ELP4: variants seen among roughly 807,000 people sequenced by gnomAD.
The protein encoded by ELP4 is elongator acetyltransferase complex subunit 4.
In ELP4, 51 loss-of-function variants were observed where a neutral mutation model predicts 48.9. The observed-to-expected ratio is 1.04, with a 90% CI of 0.83 to 1.32. The LOEUF is 1.32. ELP4 is among the 40% of genes most tolerant of loss of function. The pLI is 0.00. For missense variants in ELP4, 519 were observed against 514.6 expected, an observed-to-expected ratio of 1.01 and a Z score of -0.08; for synonymous variants, 210 against 189.2, an observed-to-expected ratio of 1.11 and a Z score of -0.90.
At chr11:31,635,295 C>T (rs1406426483) in intron 7 of ELP4, among the ~76,000 whole-genome samples, 2 of 151,890 alleles carry the variant, frequency 1.3e-5, no homozygotes, top group Non-Finnish European at 2.9e-5. Context: ...TAAAAAGTTA[C>T]GTGGTGATTA....
intron 9 of ELP4, among the ~76,000 whole-genome samples, chr11:31,666,180 T>C (rs960584724): frequency 3.3e-5 from 5 of 151,592 alleles, no homozygotes; most frequent in African/African-American, 7.3e-5. Flanking sequence ...GACTAGTCTT[T>C]GTGTTTTCAG....
intron 9 of ELP4, among the ~76,000 whole-genome samples, chr11:31,752,608 A>G (rs1947745771): frequency 6.6e-6 from 1 of 151,904 alleles, no homozygotes. Context: ...GCCGAGGCGG[A>G]CGGATCACGA....
intron 3 of ELP4, among the ~76,000 whole-genome samples, chr11:31,552,685 T>C (rs1419734344): frequency 6.6e-6 from 1 of 152,186 alleles, no homozygotes; most frequent in South Asian, 2.1e-4. Flanking sequence ...TTTCTACCTT[T>C]GCTTCTCTTC....
intron 9 of ELP4, among the ~76,000 whole-genome samples, chr11:31,742,035 G>A (rs949525358): frequency 3.9e-4 from 59 of 152,102 alleles, no homozygotes; most frequent in Admixed American, 2.6e-4. Context: ...ACTAACCAAC[G>A]CAGAAAAGTC....
intron 3 of ELP4, among the ~76,000 whole-genome samples, chr11:31,578,768 C>T (rs888942529): frequency 2.0e-5 from 3 of 152,182 alleles, no homozygotes; most frequent in African/African-American, 7.2e-5. Context: ...CCCTTCCTTA[C>T]ACCTTATACA....
intron 9 of ELP4, among the ~76,000 whole-genome samples, chr11:31,671,277 G>A (rs528455915): frequency 6.6e-6 from 1 of 152,272 alleles, no homozygotes; most frequent in South Asian, 2.1e-4. Context: ...AATTGTTAAT[G>A]TGTAGAGCAC....
chr11:31,769,575 C>T lies in ELP4; in HGVS notation c.1144-13818C>T, dbSNP rs533587176. ...CGTAAGCTGTGTATCAGTCAGACCTCTGCCAATCCTTAAATTGGATAGTGG... is the reference window on the plus strand; with the variant it reads ...CGTAAGCTGTGTATCAGTCAGACCTTTGCCAATCCTTAAATTGGATAGTGG... On this transcript the variant is annotated intron_variant, in intron 9 of 9. Coordinates refer to ENST00000640961, the MANE Select transcript of ELP4 (RefSeq NM_019040.5). 1.5e-4 allele frequency among the ~76,000 whole-genome samples: 23 copies of T among 152,278 alleles called. No individual in the cohort carries two copies. In the South Asian group the frequency reaches 4.1e-3, roughly 27 times the overall value.
chr11:31,633,160 G>A (rs1397268949), intron 7 of ELP4: 3 of 152,160 alleles, frequency 2.0e-5, no homozygotes, highest in South Asian at 4.2e-4. Context: ...TCTTTATAAA[G>A]TTATGTAATC....
chr11:31,581,206 C>A (rs573139033), intron 3 of ELP4, among the ~76,000 whole-genome samples: 2 of 152,298 alleles, frequency 1.3e-5, no homozygotes, highest in South Asian at 4.1e-4. Context: ...GTCTACACAG[C>A]TGTTATTCTG....
chr11:31,527,298 T>C (rs1956310637), intron 2 of ELP4, among the ~76,000 whole-genome samples: 1 of 152,068 alleles, frequency 6.6e-6, no homozygotes, highest in Non-Finnish European at 1.5e-5. Context: ...CTGCCATAAC[T>C]AGAATGAACA....
chr11:31,788,040 T>A lies in ELP4; in HGVS notation c.*4516T>A, dbSNP rs1017167382. ...TTTGCAGAGGAAGACTTATCTGTATTGACTTATATGTTGCACAGAACAAAT... is the reference window on the plus strand; with the variant it reads ...TTTGCAGAGGAAGACTTATCTGTATAGACTTATATGTTGCACAGAACAAAT... On this transcript the variant is annotated 3_prime_UTR_variant, in exon 10 of 10. Coordinates refer to ENST00000640961, the MANE Select transcript of ELP4 (RefSeq NM_019040.5). The A allele has an allele frequency of 4.5e-6, 1 of 222,908 alleles. No homozygotes were observed. The highest frequency in any genetic ancestry group is 9.0e-6 in the Non-Finnish European group (1 of 111,472). 13.8% of individuals were successfully genotyped at this position (222,908 alleles called of 1,614,324 possible). A position where few individuals can be genotyped will look rare whatever the true frequency, so the allele number is the denominator to read the frequency against.
intron 9 of ELP4, among the ~76,000 whole-genome samples, chr11:31,753,361 C>G (rs1182544236): frequency 6.6e-6 from 1 of 152,180 alleles, no homozygotes; most frequent in Non-Finnish European, 1.5e-5. Context: ...TGGATTCACC[C>G]AGCAAACTAC....
At chr11:31,529,131 GTTA>G (rs1325541411) in intron 2 of ELP4, among the ~76,000 whole-genome samples, 1 of 149,786 alleles carries the variant, frequency 6.7e-6, no homozygotes, top group Non-Finnish European at 1.5e-5. Context: ...AAAAAAAAAA[GTTA>G]TTATGAGGAT....
chr11:31,763,314 A>G (rs1947984097), intron 9 of ELP4: 3 of 1,117,448 alleles, frequency 2.7e-6, no homozygotes, highest in Admixed American at 6.3e-5. Context: ...ACAATTGAGA[A>G]AGAAAATGAG....
chr11:31,601,163 T>G (rs1032589141), intron 4 of ELP4, among the ~76,000 whole-genome samples: 4 of 150,438 alleles, frequency 2.7e-5, no homozygotes, highest in Admixed American at 2.6e-4. Flanking sequence ...TTATTTTATT[T>G]ACAGCATGTA....
rs145402589 is a variant in ELP4, at chr11:31,589,584, G to C, written c.382-5186G>C. On this transcript the variant is annotated intron_variant, in intron 3 of 9. Coordinates refer to ENST00000640961, the MANE Select transcript of ELP4 (RefSeq NM_019040.5). ...CATACCTGAATCTCTTAACATTAGT[G>C]CTGTTTCTACTATGTCAAGATCTGG... Among the ~76,000 whole-genome samples, 23 of 152,202 alleles carry C rather than the reference G, an allele frequency of 1.5e-4. No homozygotes were observed. In the East Asian group the frequency reaches 4.4e-3, roughly 29 times the overall value.
chr11:31,593,591 CAT>C (rs985397927), intron 3 of ELP4, among the ~76,000 whole-genome samples: 5 of 152,080 alleles, frequency 3.3e-5, no homozygotes, highest in African/African-American at 1.2e-4. Context: ...TGAATGGAGA[CAT>C]AGAGAGGTCC....
intron 3 of ELP4, among the ~76,000 whole-genome samples, chr11:31,562,671 G>T (rs1040924939): frequency 8.6e-5 from 13 of 151,992 alleles, no homozygotes; most frequent in African/African-American, 2.7e-4. Flanking sequence ...TTATATTCAA[G>T]AAAAATATCT....
intron 9 of ELP4, among the ~76,000 whole-genome samples, chr11:31,738,629 G>GGGAGGT (rs2134214665): frequency 6.6e-6 from 1 of 152,110 alleles, no homozygotes; most frequent in South Asian, 2.1e-4. Context: ...TCAGCGCCGG[G>GGGAGGT]GGAGGTGGAG....
Sources: allele counts gnomAD v4.1 joint callset (sites outside exome capture counted in the v4.1 genomes callset), GRCh38; gene constraint gnomAD v4.1.1; transcripts MANE v1.5; gene names NCBI Gene and HGNC (gene_info 2026-07-23, HGNC 2026-07-21).